TACR1: variants seen among roughly 807,000 people sequenced by gnomAD.
TACR1 encodes the protein substance-P receptor.
In TACR1, 25 loss-of-function variants were observed where a neutral mutation model predicts 35.8. That is an observed-to-expected ratio of 0.70 (90% CI 0.51 to 0.98). The LOEUF (loss-of-function observed/expected upper bound fraction) is 0.98, where lower values mean the gene tolerates loss of function less well. Ranked by LOEUF, TACR1 falls within the 50% of genes least tolerant of loss-of-function variation. The probability of loss-of-function intolerance (pLI) is 0.00; values close to 1 mark genes in which losing one functional copy is unlikely to be tolerated. For missense variants in TACR1, 478 were observed against 522.9 expected, an observed-to-expected ratio of 0.91 and a Z score of 0.84; for synonymous variants, 195 against 206.7, an observed-to-expected ratio of 0.94 and a Z score of 0.48.
chr2:75,123,177 C>T lies in TACR1; in HGVS notation c.390-2409G>A, dbSNP rs186949960. Among the ~76,000 whole-genome samples, 23 of 152,352 alleles carry T rather than the reference C, an allele frequency of 1.5e-4. 1 individual carries two copies. The highest frequency in any genetic ancestry group is 1.2e-3 in the Admixed American group (19 of 15,310). On this transcript the variant is annotated intron_variant, in intron 1 of 4. Coordinates refer to ENST00000305249, the MANE Select transcript of TACR1 (RefSeq NM_001058.4). ...TTTCCCAAATGCAGCGGTGAAGATGCCTTATCTCACCTCCAGCACTGCATA... is the reference window on the plus strand; with the variant it reads ...TTTCCCAAATGCAGCGGTGAAGATGTCTTATCTCACCTCCAGCACTGCATA...
At chr2:75,096,104 T>C (rs975216561) in intron 2 of TACR1, among the ~76,000 whole-genome samples, 5 of 152,186 alleles carry the variant, frequency 3.3e-5, no homozygotes, top group Non-Finnish European at 4.4e-5. Flanking sequence ...TCAAGTCCTC[T>C]TCATCTGTGA....
At chr2:75,077,091 C>T (rs1250081233) in intron 2 of TACR1, among the ~76,000 whole-genome samples, 6 of 152,128 alleles carry the variant, frequency 3.9e-5, no homozygotes, top group Non-Finnish European at 8.8e-5. Flanking sequence ...CTGCTTCAGC[C>T]TCCTGAGTAG....
At chr2:75,142,821 C>G (rs1278468601) in intron 1 of TACR1, among the ~76,000 whole-genome samples, 2 of 152,124 alleles carry the variant, frequency 1.3e-5, no homozygotes, top group Non-Finnish European at 2.9e-5. Flanking sequence ...TATATGGATT[C>G]CTGGGCTCTA....
rs1390553847 is a variant in TACR1 at position 75,091,467 on chromosome 2, A to C, written c.584+29107T>G. On this transcript the variant is annotated intron_variant, in intron 2 of 4. Coordinates refer to ENST00000305249, the MANE Select transcript of TACR1 (RefSeq NM_001058.4). ...GCCTGGTAGACCCTTCAACTTTGTC[A>C]GTTCCAATCTTTTCCATAATCCTAT... is the stretch of plus-strand genomic sequence containing the variant. 2.0e-5 allele frequency among the ~76,000 whole-genome samples: 3 copies of C among 152,160 alleles called. No homozygotes were observed. The East Asian group carries it at 5.8e-4, about 29-fold the overall frequency.
intron 1 of TACR1, among the ~76,000 whole-genome samples, chr2:75,184,728 T>C (rs1675646654): frequency 6.6e-6 from 1 of 151,208 alleles, no homozygotes; most frequent in Non-Finnish European, 1.5e-5. Context: ...ATATACAACA[T>C]ATGTGGTAAT....
At chr2:75,085,656 C>A (rs1465648466) in intron 2 of TACR1, among the ~76,000 whole-genome samples, 1 of 152,168 alleles carries the variant, frequency 6.6e-6, no homozygotes, top group Non-Finnish European at 1.5e-5. Context: ...AATTCCAAGG[C>A]ATGTGAATGA....
chr2:75,075,714 A>G (rs1160971218), intron 2 of TACR1, among the ~76,000 whole-genome samples: 2 of 152,390 alleles, frequency 1.3e-5, no homozygotes, highest in East Asian at 3.9e-4. Context: ...AACAATAACA[A>G]CAAGAACAAA....
chr2:75,156,320 G>C (rs1474197968), intron 1 of TACR1: 1 of 151,588 alleles, frequency 6.6e-6, no homozygotes, highest in Non-Finnish European at 1.5e-5. Context: ...TGGCAGGTAA[G>C]AATTTACCCA....
intron 1 of TACR1, among the ~76,000 whole-genome samples, chr2:75,163,207 A>T (rs1675053935): frequency 6.6e-6 from 1 of 152,204 alleles, no homozygotes; most frequent in African/African-American, 2.4e-5. Flanking sequence ...GATTCACAGG[A>T]GACTTTGGGA....
At chr2:75,098,872 C>T (rs893623918) in intron 2 of TACR1, among the ~76,000 whole-genome samples, 4 of 151,688 alleles carry the variant, frequency 2.6e-5, no homozygotes, top group African/African-American at 9.7e-5. Context: ...CTGGCTGCTT[C>T]CTGAGAATAT....
intron 1 of TACR1, among the ~76,000 whole-genome samples, chr2:75,127,160 T>C (rs1674090138): frequency 6.6e-6 from 1 of 152,210 alleles, no homozygotes. Flanking sequence ...CACAGTCTTT[T>C]TACCTGAGGT....
At chr2:75,064,585 C>T (rs1002603497) in intron 2 of TACR1, among the ~76,000 whole-genome samples, 27 of 152,070 alleles carry the variant, frequency 1.8e-4, no homozygotes, top group African/African-American at 6.3e-4. Flanking sequence ...AGAAAGAGTG[C>T]GAGTGCACCT....
rs535424868 is a variant in TACR1 at position 75,046,911 on chromosome 2, C to T, written c.*2521G>A. ...CATATTCTATTACTACTGGACATTA[C>T]ACCAAGTAAACACACTTGGATAAAC... is the stretch of plus-strand genomic sequence containing the variant. On this transcript the variant is annotated 3_prime_UTR_variant, in exon 5 of 5. Transcript: ENST00000305249. 17 of 152,334 alleles carry T rather than the reference C, an allele frequency of 1.1e-4. No homozygotes were observed. Among genetic ancestry groups the T allele is most frequent in the African/African-American group, 4.1e-4 (17 of 41,566 alleles). 9.4% of individuals were successfully genotyped at this position (152,334 alleles called of 1,614,324 possible).
chr2:75,093,342 A>G (rs1673344624), intron 2 of TACR1, among the ~76,000 whole-genome samples: 1 of 152,194 alleles, frequency 6.6e-6, no homozygotes, highest in South Asian at 2.1e-4. Flanking sequence ...AGGCTGGGCA[A>G]TGAAAGGAAG....
chr2:75,084,658 G>A (rs1486358184), intron 2 of TACR1, among the ~76,000 whole-genome samples: 4 of 152,144 alleles, frequency 2.6e-5, no homozygotes, highest in Non-Finnish European at 4.4e-5. Context: ...AGTCTTGGGA[G>A]GGTGTATGTG....
chr2:75,113,194 T>C, intron 2 of TACR1, among the ~76,000 whole-genome samples: 1 of 152,232 alleles, frequency 6.6e-6, no homozygotes, highest in East Asian at 1.9e-4. Flanking sequence ...TATGGTTTTG[T>C]GGAAAATCAT....
At chr2:75,119,378 G>T (rs1394931030) in intron 2 of TACR1, among the ~76,000 whole-genome samples, 1 of 152,062 alleles carries the variant, frequency 6.6e-6, no homozygotes, top group Non-Finnish European at 1.5e-5. Flanking sequence ...GCCAGTAACT[G>T]GCAATCTTGT....
chr2:75,142,271 A>G (rs1452650102), intron 1 of TACR1, among the ~76,000 whole-genome samples: 1 of 152,144 alleles, frequency 6.6e-6, no homozygotes, highest in Non-Finnish European at 1.5e-5. Flanking sequence ...GCCAATTCTC[A>G]TGCCAGGATT....
chr2:75,058,445 G>C (rs1482952448), intron 2 of TACR1, among the ~76,000 whole-genome samples: 1 of 152,142 alleles, frequency 6.6e-6, no homozygotes, highest in Non-Finnish European at 1.5e-5. Flanking sequence ...GATTTTATCA[G>C]CTCTCAGAAT....
Sources: gnomAD v4.1 joint callset for allele counts (sites outside exome capture counted in the v4.1 genomes callset) on GRCh38, gnomAD v4.1.1 for gene constraint, MANE v1.5 for transcripts, NCBI Gene and HGNC (gene_info 2026-07-23, HGNC 2026-07-21) for gene names.